Variants in HPD observed in about 807,000 individuals in gnomAD.
HPD encodes the protein 4-hydroxyphenylpyruvic acid oxidase.
HPD carries 35 observed loss-of-function variants against 56.9 expected under a neutral mutation model. That is an observed-to-expected ratio of 0.62 (90% confidence interval 0.47 to 0.82). The LOEUF (loss-of-function observed/expected upper bound fraction) is 0.82, where lower values mean the gene tolerates loss of function less well. HPD is among the 40% of genes least tolerant of loss of function. The probability of loss-of-function intolerance (pLI) is 0.00; values close to 1 mark genes in which losing one functional copy is unlikely to be tolerated. For synonymous variants in HPD, 186 were observed against 200.2 expected (o/e 0.93, Z 0.60); for missense variants, 442 against 506.8 (o/e 0.87, Z 1.23).
At chr12:121,855,993 AAG>A (rs1555340161) in intron 6 of HPD, among the ~76,000 whole-genome samples, 1 of 151,552 alleles carries the variant, frequency 6.6e-6, no homozygotes, top group Non-Finnish European at 1.5e-5. Flanking sequence ...AAAAAAAAAA[AAG>A]GAAATGGTAA....
chr12:121,855,890 A>G (rs1460304395), intron 6 of HPD, among the ~76,000 whole-genome samples: 1 of 148,490 alleles, frequency 6.7e-6, no homozygotes, highest in African/African-American at 2.5e-5. Context: ...GAATTGCTTG[A>G]ATCCAGGAGG....
chr12:121,854,890 G>T, intron 6 of HPD, 98 bp from the exon 7 acceptor site: 1 of 901,156 alleles, frequency 1.1e-6, no homozygotes, highest in East Asian at 2.5e-5. Flanking sequence ...GGTCCTGCAG[G>T]CCCCTCCAGT....
intron 12 of HPD, 145 bp from the exon 13 acceptor site, chr12:121,840,193 T>A: frequency 1.4e-6 from 1 of 704,306 alleles, no homozygotes; most frequent in Middle Eastern, 3.2e-4. Flanking sequence ...CCCCAAACTG[T>A]CCTATTACTA....
upstream of HPD, among the ~76,000 whole-genome samples, chr12:121,862,980 C>A (rs1226503024): frequency 7.1e-6 from 1 of 141,170 alleles, no homozygotes; most frequent in African/African-American, 2.6e-5. Flanking sequence ...GCGCCCGGCA[C>A]CCCCCCTCCT....
At chr12:121,869,736 G>T in the HPD span, among the ~76,000 whole-genome samples, 1 of 152,066 alleles carries the variant, frequency 6.6e-6, no homozygotes, top group Admixed American at 6.6e-5. Context: ...TGTTGCCCAG[G>T]CTGGTCTCAA....
chr12:121,861,466 C>T (rs559695568), upstream of HPD, among the ~76,000 whole-genome samples: 2 of 152,176 alleles, frequency 1.3e-5, no homozygotes, highest in African/African-American at 2.4e-5. Context: ...TGTGCCACTG[C>T]GCTCCAGCCT....
chr12:121,845,189 C>G (rs1282219615), intron 11 of HPD, among the ~76,000 whole-genome samples: 1 of 149,864 alleles, frequency 6.7e-6, no homozygotes, highest in African/African-American at 2.5e-5. Flanking sequence ...TCTTAGCTCA[C>G]TGCAGCCTCA....
chr12:121,843,809 G>T lies in HPD; in HGVS notation c.855C>A (p.Gly285=), dbSNP rs938842483. The T allele has an allele frequency of 6.2e-7, 1 of 1,613,800 alleles. No individual in the cohort carries two copies. The highest frequency in any genetic ancestry group is 1.3e-5 in the African/African-American group (1 of 74,840). Residue 285 remains glycine (G), a synonymous_variant, in exon 12 of 14, where the codon GGC becomes GGA. Transcript: ENST00000289004. ...TGGAGGGAACAGATAAGAACTCCAGGCCTCTCTCTCTCAAGTGGCGAATCT... is the reference window on the plus strand; with the variant it reads ...TGGAGGGAACAGATAAGAACTCCAGTCCTCTCTCTCTCAAGTGGCGAATCT... ...ITAIRHLRER[G]LEFLSVPSTY...
At chr12:121,865,332 T>C (rs61954291), upstream of HPD, among the ~76,000 whole-genome samples, 151,782 of 151,816 alleles carry the variant, frequency 1, 75,874 homozygotes, top group East Asian at 1. Flanking sequence ...TGCACTGGCA[T>C]GATCTCAGCT....
chr12:121,851,200 C>T (rs1360176111), intron 7 of HPD, among the ~76,000 whole-genome samples: 1 of 151,916 alleles, frequency 6.6e-6, no homozygotes, highest in Non-Finnish European at 1.5e-5. Context: ...TACTTAGTGA[C>T]ATGGGGTTTT....
chr12:121,845,324 C>T (rs985468812), intron 11 of HPD, among the ~76,000 whole-genome samples: 11 of 149,090 alleles, frequency 7.4e-5, no homozygotes, highest in African/African-American at 2.6e-4. Flanking sequence ...TGGCCGGGCG[C>T]AGTGGCTCAC....
At chr12:121,866,382 A>T (rs1233897580), upstream of HPD, among the ~76,000 whole-genome samples, 1 of 37,820 alleles carries the variant, frequency 2.6e-5, no homozygotes, top group Non-Finnish European at 6.6e-5. Context: ...TGTTACGTTT[A>T]AAAAAAAAAA....
chr12:121,849,384 T>A lies in HPD; in HGVS notation c.518+303A>T, dbSNP rs2707056. 0.84 allele frequency among the ~76,000 whole-genome samples: 128,118 copies of A among 151,940 alleles called. 54,104 individuals are homozygous for A. Among genetic ancestry groups the A allele is most frequent in the Middle Eastern group, 0.9 (266 of 294 alleles). On this transcript the variant is annotated intron_variant, in intron 8 of 13. Coordinates refer to ENST00000289004, the MANE Select transcript of HPD (RefSeq NM_002150.3). ...CGGACATTTTATTTTGTCAACTCAT[T>A]TACTATTACAGTCCCCATTTTACAG...
Position 121,854,849 on chromosome 12 carries a change from G to A in HPD, c.325-57C>T. The A allele has an allele frequency of 2.2e-6, 3 of 1,356,574 alleles. No individual in the cohort carries two copies. The Admixed American group carries it at 5.0e-5, about 23-fold the overall frequency. The allele number at this position is 1,356,574 out of a possible 1,614,324, so 84.0% of individuals were successfully genotyped here. ...AGGGCTGGAGCCTTCCAGAACCCTTGCCTGCTGCTCCTGCCTGGTGGCCTC... is the reference window on the plus strand; with the variant it reads ...AGGGCTGGAGCCTTCCAGAACCCTTACCTGCTGCTCCTGCCTGGTGGCCTC... On this transcript the variant is annotated intron_variant, in intron 6 of 13. Coordinates refer to ENST00000289004, the MANE Select transcript of HPD (RefSeq NM_002150.3).
intron 11 of HPD, among the ~76,000 whole-genome samples, chr12:121,845,844 T>C (rs1330493657): frequency 6.6e-6 from 1 of 152,184 alleles, no homozygotes; most frequent in African/African-American, 2.4e-5. Context: ...CAGAAACTGT[T>C]ATAGGCATGA....
chr12:121,868,050 A>T (rs978084074), upstream of HPD, among the ~76,000 whole-genome samples: 1 of 152,160 alleles, frequency 6.6e-6, no homozygotes, highest in Non-Finnish European at 1.5e-5. Context: ...TTGGCCAGGC[A>T]CAGTGGCTCA....
chr12:121,861,335 CAA>C (rs34622089), upstream of HPD, among the ~76,000 whole-genome samples: 14 of 122,460 alleles, frequency 1.1e-4, no homozygotes, highest in Admixed American at 1.7e-4. Flanking sequence ...GACTCTGTCT[CAA>C]AAAAAAAAAA....
chr12:121,861,147 C>G (rs189455266), upstream of HPD, among the ~76,000 whole-genome samples: 37 of 152,054 alleles, frequency 2.4e-4, no homozygotes, highest in African/African-American at 8.4e-4. Context: ...ACCAGCCTGA[C>G]CAATATGGTG....
chr12:121,870,606 T>G, the HPD span, among the ~76,000 whole-genome samples: 4 of 150,918 alleles, frequency 2.7e-5, no homozygotes, highest in African/African-American at 9.8e-5. Flanking sequence ...TTTTTTTTTT[T>G]TTTTTTTGAG....
Sources: gnomAD v4.1 joint callset for allele counts (sites outside exome capture counted in the v4.1 genomes callset) on GRCh38, gnomAD v4.1.1 for gene constraint, MANE v1.5 for transcripts, NCBI Gene and HGNC (gene_info 2026-07-23, HGNC 2026-07-21) for gene names.